Variants in ULK4 observed in about 807,000 individuals in gnomAD.
The protein encoded by ULK4 is unc-51 like kinase 4, also known as inactive serine/threonine-protein kinase ULK4.
ULK4 carries 133 observed loss-of-function variants against 160.6 expected under a neutral mutation model. The ratio of observed to expected loss-of-function variants is 0.83; its 90% CI spans 0.72 to 0.96. The LOEUF (loss-of-function observed/expected upper bound fraction) is 0.96. Ranked by LOEUF, ULK4 falls within the 40% of genes least tolerant of loss-of-function variation. The pLI is 0.00. For synonymous variants in ULK4, 534 were observed against 539.8 expected, an observed-to-expected ratio of 0.99 and a Z score of 0.15; for missense variants, 1,580 against 1,499.5, an observed-to-expected ratio of 1.05 and a Z score of -0.89.
At chr3:41,831,418 G>GT (rs35015207) in intron 18 of ULK4, among the ~76,000 whole-genome samples, 40,981 of 137,416 alleles carry the variant, frequency 0.3, 7,462 homozygotes, top group African/African-American at 0.52. Flanking sequence ...TATACTAGTC[G>GT]TTTTTTTTTT....
chr3:41,481,788 C>A (rs1281755340), intron 32 of ULK4, among the ~76,000 whole-genome samples: 1 of 136,764 alleles, frequency 7.3e-6, no homozygotes, highest in Non-Finnish European at 1.5e-5. Context: ...GATCCCGCCA[C>A]TGCACTCCAG....
At chr3:41,543,816 T>C (rs1260179531) in intron 32 of ULK4, among the ~76,000 whole-genome samples, 1 of 152,186 alleles carries the variant, frequency 6.6e-6, no homozygotes, top group East Asian at 1.9e-4. Context: ...TGACCCCCTT[T>C]AGTGAATTGT....
At chr3:41,377,148 G>A (rs1182954178) in intron 35 of ULK4, among the ~76,000 whole-genome samples, 4 of 152,126 alleles carry the variant, frequency 2.6e-5, no homozygotes, top group African/African-American at 9.7e-5. Context: ...TTAATAAATG[G>A]TGCTGGGAAA....
chr3:41,606,096 A>T (rs572662161), intron 31 of ULK4, among the ~76,000 whole-genome samples: 113 of 152,144 alleles, frequency 7.4e-4, no homozygotes, highest in South Asian at 2.5e-3. Flanking sequence ...AAACTAAGGC[A>T]GTGCTTAGGG....
chr3:41,247,904 G>C (rs2078674567), intron 36 of ULK4, among the ~76,000 whole-genome samples: 1 of 152,206 alleles, frequency 6.6e-6, no homozygotes, highest in Admixed American at 6.5e-5. Context: ...TTTCTGGTAA[G>C]GCAATCTGAA....
intron 34 of ULK4, among the ~76,000 whole-genome samples, chr3:41,453,891 G>A (rs2083477555): frequency 1.3e-5 from 2 of 151,826 alleles, no homozygotes; most frequent in South Asian, 4.2e-4. Context: ...CATGGATGAA[G>A]CTGGAAACCA....
intron 18 of ULK4, among the ~76,000 whole-genome samples, chr3:41,823,210 G>T (rs971144632): frequency 6.6e-6 from 1 of 152,166 alleles, no homozygotes; most frequent in Non-Finnish European, 1.5e-5. Context: ...AAACAACTCA[G>T]AAGAAAATAT....
chr3:41,461,413 C>A (rs1463859386), intron 33 of ULK4, among the ~76,000 whole-genome samples: 1 of 152,170 alleles, frequency 6.6e-6, no homozygotes, highest in Non-Finnish European at 1.5e-5. Context: ...CATTCCATTT[C>A]TTTTCCCAAC....
rs551585813 is a variant in ULK4 at position 41,594,158 on chromosome 3, C to A, written c.3120+21511G>T. On this transcript the variant is annotated intron_variant, in intron 31 of 36. Coordinates refer to ENST00000301831, the MANE Select transcript of ULK4 (RefSeq NM_017886.4). ...TTATTTCTTAGATGTTATTTCCTGG[C>A]ATAGAACATATAATTTTAAATTCAT... 9.3e-4 allele frequency among the ~76,000 whole-genome samples: 142 copies of A among 152,212 alleles called. 1 individual carries two copies. Among genetic ancestry groups the A allele is most frequent in the African/African-American group, 3.3e-3 (136 of 41,524 alleles).
intron 32 of ULK4, among the ~76,000 whole-genome samples, chr3:41,547,306 A>G (rs1050819223): frequency 1.3e-5 from 2 of 152,180 alleles, no homozygotes; most frequent in African/African-American, 4.8e-5. Context: ...CCAAAACAGT[A>G]AGGAGATAAT....
At chr3:41,928,495 T>C (rs1699466258) in intron 5 of ULK4, among the ~76,000 whole-genome samples, 1 of 137,810 alleles carries the variant, frequency 7.3e-6, no homozygotes. Flanking sequence ...ATAACTAATT[T>C]CAGAGCAGAA....
intron 31 of ULK4, among the ~76,000 whole-genome samples, chr3:41,579,299 G>T (rs1022419600): frequency 1.3e-5 from 2 of 152,064 alleles, no homozygotes; most frequent in Non-Finnish European, 2.9e-5. Context: ...TAAGAATGAA[G>T]GGACAGAGGA....
At chr3:41,712,117 G>T (rs1553638419) in intron 25 of ULK4, among the ~76,000 whole-genome samples, 1 of 151,980 alleles carries the variant, frequency 6.6e-6, no homozygotes, top group Non-Finnish European at 1.5e-5. Flanking sequence ...TTCCTTGGGG[G>T]AAAAAAATTT....
chr3:41,786,898 A>G (rs1171895630), intron 21 of ULK4, among the ~76,000 whole-genome samples: 1 of 152,164 alleles, frequency 6.6e-6, no homozygotes, highest in Non-Finnish European at 1.5e-5. Flanking sequence ...CAACACAGCA[A>G]TGCATTCACT....
chr3:41,856,512 A>AATAT (rs376773321), intron 17 of ULK4, among the ~76,000 whole-genome samples: 1,719 of 98,980 alleles, frequency 0.017, 29 homozygotes, highest in East Asian at 0.026. Context: ...TAAATAAATA[A>AATAT]ATATATATAT....
At chr3:41,902,643 A>C (rs1698417214) in intron 12 of ULK4, among the ~76,000 whole-genome samples, 1 of 151,650 alleles carries the variant, frequency 6.6e-6, no homozygotes, top group South Asian at 2.1e-4. Context: ...TAAAACAAGA[A>C]AATCTAAGTT....
chr3:41,921,962 T>A (rs61365106), intron 5 of ULK4, among the ~76,000 whole-genome samples: 7,033 of 152,110 alleles, frequency 0.046, 488 homozygotes, highest in African/African-American at 0.16. Context: ...GAGACCAGCC[T>A]GACCAACATG....
intron 30 of ULK4, among the ~76,000 whole-genome samples, chr3:41,660,126 C>T (rs2035095600): frequency 6.6e-6 from 1 of 151,996 alleles, no homozygotes; most frequent in African/African-American, 2.4e-5. Flanking sequence ...CCTGTCTCTA[C>T]TAAAAAATAC....
chr3:41,906,949 C>T (rs1200283732), intron 12 of ULK4, among the ~76,000 whole-genome samples: 1 of 150,674 alleles, frequency 6.6e-6, no homozygotes, highest in East Asian at 2.0e-4. Context: ...GCCAAGATCG[C>T]GCCACTGCAC....
Sources: allele counts gnomAD v4.1 joint callset (sites outside exome capture counted in the v4.1 genomes callset), GRCh38; gene constraint gnomAD v4.1.1; transcripts MANE v1.5; gene names NCBI Gene and HGNC (gene_info 2026-07-23, HGNC 2026-07-21).